Variants in ZNF394 observed in about 807,000 individuals in gnomAD.
ZNF394 encodes the protein zinc finger protein 394.
ZNF394 carries 19 observed loss-of-function variants against 21.8 expected under a neutral mutation model. The observed-to-expected ratio is 0.87, with a 90% CI of 0.61 to 1.28. The LOEUF (loss-of-function observed/expected upper bound fraction) is 1.28, where lower values mean the gene tolerates loss of function less well. ZNF394 is among the 50% of genes most tolerant of loss of function. The probability of loss-of-function intolerance (pLI) is 0.00; values close to 1 mark genes in which losing one functional copy is unlikely to be tolerated. For synonymous variants in ZNF394, 294 were observed against 273.3 expected (o/e 1.08, Z -0.75); for missense variants, 683 against 708.6 (o/e 0.96, Z 0.41).
chr7:99,495,783 G>A (rs1249105158), intron 2 of ZNF394, among the ~76,000 whole-genome samples: 3 of 151,964 alleles, frequency 2.0e-5, no homozygotes, highest in African/African-American at 4.8e-5. Flanking sequence ...CACCACACCC[G>A]GCTAATTTTT....
rs774056876 is a variant in ZNF394 at position 99,493,708 on chromosome 7, C to T, written c.1507G>A (p.Gly503Arg). ...GEKPYGCSVCGKRFNQSATLI... is the reference protein window; with the variant it reads ...GEKPYGCSVCRKRFNQSATLI... ...GTTGCACTCTGATTGAAGCGTTTCCCACAGACGGAACATCCATAGGGCTTC... is the reference window on the plus strand; with the variant it reads ...GTTGCACTCTGATTGAAGCGTTTCCTACAGACGGAACATCCATAGGGCTTC... Residue 503 changes from glycine (G) to arginine (R), a missense_variant, in exon 3 of 3, where the codon GGG becomes AGG. By Grantham distance (125) the Gly-to-Arg change is moderately radical (BLOSUM62 -2). Transcript: ENST00000337673. 6 of 1,614,202 alleles carry T rather than the reference C, an allele frequency of 3.7e-6. No individual in the cohort carries two copies. In the East Asian group the frequency reaches 1.3e-4, roughly 36 times the overall value.
In ZNF394 at chr7:99,494,530, G is replaced by C. The variant is rs1211113103; in HGVS notation, c.685C>G (p.Arg229Gly). Residue 229 changes from arginine to glycine, a missense_variant, in exon 3 of 3, where the codon CGC becomes GGC. Coordinates refer to ENST00000337673, the MANE Select transcript of ZNF394 (RefSeq NM_032164.4). ...GQLQEAFQGK[R>G]PLFSKCGSTH... ...CTGCCACACTTAGAAAACAGGGGGC[G>C]CTTCCCCTGGAACGCTTCTTGTAGT... 6.2e-7 allele frequency: 1 copy of C among 1,613,384 alleles called. No homozygotes were observed. Among genetic ancestry groups the C allele is most frequent in the Non-Finnish European group, 8.5e-7 (1 of 1,180,020 alleles).
rs1562893437 is a variant in ZNF394 at position 99,494,506 on chromosome 7, T to C, written c.709A>G (p.Ser237Gly). The part of the protein sequence containing the change: ...GKRPLFSKCG[S>G]THEDRVEKQS... ...TTTTCCACCCTGTCCTCATGGGTAC[T>C]GCCACACTTAGAAAACAGGGGGCGC... The change falls in exon 3 of 3, where the codon AGT becomes GGT. Residue 237 changes from serine (S) to glycine (G), a missense_variant. Around this residue, in one of 3 missense-constraint regions of ZNF394, gnomAD observed 402 missense variants for 373.8 expected, o/e 1.08. Transcript: ENST00000337673. 1 of 1,613,854 alleles carries C rather than the reference T, an allele frequency of 6.2e-7. No homozygotes were observed. Among genetic ancestry groups the C allele is most frequent in the Middle Eastern group, 1.6e-4 (1 of 6,062 alleles).
At chr7:99,487,219 A>G (rs1204963999) in intron 1 of ZNF394, 3 of 1,614,232 alleles carry the variant, frequency 1.9e-6, no homozygotes, top group Admixed American at 1.7e-5. Flanking sequence ...GATTCACAGT[A>G]AACCGAACAC....
At chr7:99,495,788 A>C (rs1200187207) in intron 2 of ZNF394, among the ~76,000 whole-genome samples, 1 of 150,876 alleles carries the variant, frequency 6.6e-6, no homozygotes, top group Non-Finnish European at 1.5e-5. Flanking sequence ...CACCCGGCTA[A>C]TTTTTGTATT....
Position 99,499,937 on chromosome 7 carries a change from AG to A in ZNF394, c.156del (p.Tyr53IlefsTer30). The A allele has an allele frequency of 1.9e-6, 3 of 1,614,064 alleles. No individual in the cohort carries two copies. Among genetic ancestry groups the A allele is most frequent in the Non-Finnish European group, 2.5e-6 (3 of 1,180,038 alleles). ...TCGGGGTCCGGCGAAGCCGCGGGAT[AG>A]TTGGGCTCCCAACTTCCGGGTGAGT... is the stretch of plus-strand genomic sequence containing the variant. ...EEDSPGSWEP[N>X]YPAASPDPET... On this transcript the variant is annotated frameshift_variant, in exon 1 of 3. Coordinates refer to ENST00000337673, the MANE Select transcript of ZNF394 (RefSeq NM_032164.4). LOFTEE classifies it high-confidence loss of function.
chr7:99,489,151 G>T (rs1233216564), downstream of ZNF394, among the ~76,000 whole-genome samples: 1 of 151,572 alleles, frequency 6.6e-6, no homozygotes, highest in Non-Finnish European at 1.5e-5. Flanking sequence ...GAGCATGGTG[G>T]TGCGCGCCTG....
downstream of ZNF394, among the ~76,000 whole-genome samples, chr7:99,488,848 C>G (rs1055926005): frequency 6.7e-6 from 1 of 149,722 alleles, no homozygotes; most frequent in Non-Finnish European, 1.5e-5. Context: ...GAATCACCTA[C>G]CTCAACCGGG....
chr7:99,496,940 T>C (rs562860972), intron 2 of ZNF394, among the ~76,000 whole-genome samples: 6 of 151,264 alleles, frequency 4.0e-5, no homozygotes, highest in South Asian at 2.1e-4. Flanking sequence ...TATACATTAG[T>C]TATGGGCTCT....
rs1800202951 is a variant in ZNF394 at position 99,493,349 on chromosome 7, T to A, written c.*180A>T. The A allele has an allele frequency of 9.5e-7, 1 of 1,056,632 alleles. No individual in the cohort carries two copies. Among genetic ancestry groups the A allele is most frequent in the African/African-American group, 1.6e-5 (1 of 62,160 alleles). The allele number at this position is 1,056,632 out of a possible 1,614,324, so 65.5% of individuals were successfully genotyped here. ...TCAGCTCACTGCAACTTCCGCCTCCTGGGTTCAAGTGATTCTCCTACCTCA... is the reference window on the plus strand; with the variant it reads ...TCAGCTCACTGCAACTTCCGCCTCCAGGGTTCAAGTGATTCTCCTACCTCA... On this transcript the variant is annotated 3_prime_UTR_variant, in exon 3 of 3. Coordinates refer to ENST00000337673, the MANE Select transcript of ZNF394 (RefSeq NM_032164.4).
chr7:99,496,329 T>C (rs1026003483), intron 2 of ZNF394, among the ~76,000 whole-genome samples: 1 of 151,440 alleles, frequency 6.6e-6, no homozygotes, highest in Non-Finnish European at 1.5e-5. Flanking sequence ...GTGCTGGGAT[T>C]ACAGGTATGA....
downstream of ZNF394, among the ~76,000 whole-genome samples, chr7:99,490,489 G>A (rs555161392): frequency 6.6e-6 from 1 of 152,166 alleles, no homozygotes; most frequent in East Asian, 1.9e-4. Flanking sequence ...AATTAGCTGG[G>A]TGTGGTGGTT....
chr7:99,488,407 C>CA (rs1309685256), downstream of ZNF394, among the ~76,000 whole-genome samples: 1 of 150,152 alleles, frequency 6.7e-6, no homozygotes, highest in African/African-American at 2.5e-5. Flanking sequence ...GAGGCTGAGG[C>CA]AGGAGAATCG....
rs971611641 is a variant in ZNF394, at chr7:99,493,368, T to C, written c.*161A>G. On this transcript the variant is annotated 3_prime_UTR_variant, in exon 3 of 3. Transcript: ENST00000337673. ...GCCTCCTGGGTTCAAGTGATTCTCC[T>C]ACCTCAGCCTCCCGAATAGCTGGGC... 1.6e-5 allele frequency: 16 copies of C among 1,011,606 alleles called. No individual in the cohort carries two copies. The highest frequency in any genetic ancestry group is 6.4e-5 in the Admixed American group (2 of 31,026). The allele number at this position is 1,011,606 out of a possible 1,614,324, so 62.7% of individuals were successfully genotyped here. A position where few individuals can be genotyped will look rare whatever the true frequency, so the allele number is the denominator to read the frequency against.
At chr7:99,488,271 G>GC (rs1253590009), downstream of ZNF394, among the ~76,000 whole-genome samples, 1 of 150,708 alleles carries the variant, frequency 6.6e-6, no homozygotes, top group Non-Finnish European at 1.5e-5. Context: ...GTATGGTGTC[G>GC]CATGTCTGTA....
downstream of ZNF394, among the ~76,000 whole-genome samples, chr7:99,491,247 A>G (rs1000799410): frequency 1.3e-5 from 2 of 152,134 alleles, no homozygotes; most frequent in African/African-American, 2.4e-5. Context: ...GAAATACTCA[A>G]ATTTTGTATA....
chr7:99,500,262 TCG>T lies in ZNF394; in HGVS notation c.-171_-170del. 2 of 596,752 alleles carry T rather than the reference TCG, an allele frequency of 3.4e-6. No individual in the cohort carries two copies. The highest frequency in any genetic ancestry group is 5.4e-6 in the Non-Finnish European group (2 of 370,456). The allele number at this position is 596,752 out of a possible 1,614,324, so 37.0% of individuals were successfully genotyped here. ...CCTCAGCTTTGCGCCTACAACTCTC[TCG>T]GTCAAACAACCGAAAACATCCCGTG... On this transcript the variant is annotated 5_prime_UTR_variant, in exon 1 of 3. Coordinates refer to ENST00000337673, the MANE Select transcript of ZNF394 (RefSeq NM_032164.4).
chr7:99,498,624 G>A (rs1409115273), intron 2 of ZNF394, 92 bp downstream of exon 2: 1 of 1,568,524 alleles, frequency 6.4e-7, no homozygotes, highest in African/African-American at 1.4e-5. Flanking sequence ...CTCAGCCCAA[G>A]TCTGGGAATG....
At chr7:99,491,392 T>C (rs1315190663), downstream of ZNF394, among the ~76,000 whole-genome samples, 1 of 152,152 alleles carries the variant, frequency 6.6e-6, no homozygotes, top group African/African-American at 2.4e-5. Flanking sequence ...ATTTGGTCTT[T>C]GACACTTGTT....
Sources: gnomAD v4.1 joint callset for allele counts (sites outside exome capture counted in the v4.1 genomes callset) on GRCh38, gnomAD v4.1.1 for gene constraint, gnomAD v4.1.1 regional missense constraint, MANE v1.5 for transcripts, NCBI Gene and HGNC (gene_info 2026-07-23, HGNC 2026-07-21) for gene names.